GPR89B: variants seen among roughly 807,000 people sequenced by gnomAD.
GPR89B encodes golgi pH regulator B.
In GPR89B, 25 loss-of-function variants were observed where a neutral mutation model predicts 52.4. The observed-to-expected ratio is 0.48, with a 90% CI of 0.35 to 0.67. GPR89B has a LOEUF of 0.67. GPR89B is among the 30% of genes least tolerant of loss of function. GPR89B has a pLI of 0.01. For synonymous variants in GPR89B, 52 were observed against 151.2 expected (o/e 0.34, Z 4.81); for missense variants, 146 against 450.2 (o/e 0.32, Z 6.11).
At chr1:147,940,032 C>A (rs1435388983) in intron 3 of GPR89B, among the ~76,000 whole-genome samples, 4 of 151,608 alleles carry the variant, frequency 2.6e-5, no homozygotes, top group African/African-American at 9.7e-5. Context: ...TAATAATGGT[C>A]TCTTGATAGA....
intron 7 of GPR89B, among the ~76,000 whole-genome samples, chr1:147,962,285 A>G (rs1656637606): frequency 6.6e-6 from 1 of 151,504 alleles, no homozygotes; most frequent in Non-Finnish European, 1.5e-5. Context: ...TTAGCTGGAC[A>G]TGGTGGCATG....
At chr1:147,983,516 G>A (rs1235192545) in intron 10 of GPR89B, among the ~76,000 whole-genome samples, 2 of 152,124 alleles carry the variant, frequency 1.3e-5, no homozygotes, top group Non-Finnish European at 2.9e-5. Flanking sequence ...AGTTGGCGAA[G>A]GACATGAACA....
chr1:147,933,825 C>T (rs4950502), intron 1 of GPR89B, among the ~76,000 whole-genome samples: 1 of 152,182 alleles, frequency 6.6e-6, no homozygotes, highest in Non-Finnish European at 1.5e-5. Context: ...TACACTGTCG[C>T]TTCCTTCAAG....
chr1:147,939,683 A>G (rs1654379307), intron 3 of GPR89B, among the ~76,000 whole-genome samples: 1 of 152,208 alleles, frequency 6.6e-6, no homozygotes, highest in East Asian at 1.9e-4. Flanking sequence ...ATGGTTAATC[A>G]CAAAACATTG....
At chr1:148,015,643 G>A in the GPR89B span, among the ~76,000 whole-genome samples, 2 of 149,556 alleles carry the variant, frequency 1.3e-5, no homozygotes, top group Non-Finnish European at 3.0e-5. Context: ...TTGTTTGTTT[G>A]TTTGTTTGTT....
intron 10 of GPR89B, among the ~76,000 whole-genome samples, chr1:147,972,813 C>G (rs1219708299): frequency 6.7e-6 from 1 of 148,882 alleles, no homozygotes; most frequent in Non-Finnish European, 1.5e-5. Flanking sequence ...TCTCCCTCCC[C>G]CTCCCCGCCT....
intron 3 of GPR89B, among the ~76,000 whole-genome samples, chr1:147,940,805 A>AT (rs1654496201): frequency 6.6e-6 from 1 of 151,530 alleles, no homozygotes; most frequent in African/African-American, 2.4e-5. Context: ...CTAAAGCTAT[A>AT]TTTACTGTTT....
chr1:147,975,328 C>T (rs1279980089), intron 10 of GPR89B, among the ~76,000 whole-genome samples: 1 of 141,446 alleles, frequency 7.1e-6, no homozygotes, highest in Non-Finnish European at 1.5e-5. Context: ...AGGCTTATTA[C>T]TGCCCCAAAT....
the GPR89B span, among the ~76,000 whole-genome samples, chr1:148,000,819 A>G: frequency 6.7e-6 from 1 of 149,562 alleles, no homozygotes; most frequent in Non-Finnish European, 1.5e-5. Context: ...ACCTTAAAAC[A>G]TGCAGTAGTG....
At chr1:147,942,531 T>A (rs1426895592) in intron 3 of GPR89B, among the ~76,000 whole-genome samples, 1 of 152,164 alleles carries the variant, frequency 6.6e-6, no homozygotes, top group East Asian at 1.9e-4. Flanking sequence ...CGTCTCTATT[T>A]ATAATAGCTA....
intron 5 of GPR89B, among the ~76,000 whole-genome samples, chr1:147,951,168 T>C (rs1407437582): frequency 6.6e-6 from 1 of 151,516 alleles, no homozygotes; most frequent in East Asian, 1.9e-4. Flanking sequence ...TTTATCTGTG[T>C]GGCCTTAACT....
intron 7 of GPR89B, among the ~76,000 whole-genome samples, chr1:147,956,683 A>G (rs1398305147): frequency 6.6e-6 from 1 of 152,030 alleles, no homozygotes; most frequent in Admixed American, 6.6e-5. Context: ...AAGATATCCC[A>G]TGTTCATGGA....
intron 10 of GPR89B, among the ~76,000 whole-genome samples, chr1:147,970,382 A>G (rs1657326170): frequency 6.6e-6 from 1 of 151,972 alleles, no homozygotes; most frequent in Admixed American, 6.5e-5. Context: ...CTGTAATCCC[A>G]GCTACTCAGG....
intron 7 of GPR89B, among the ~76,000 whole-genome samples, chr1:147,964,577 A>C (rs1393301246): frequency 6.6e-6 from 1 of 151,962 alleles, no homozygotes; most frequent in African/African-American, 2.4e-5. Context: ...CGGAAGGTTT[A>C]ATATTGTTAC....
chr1:147,938,118 G>A (rs1189951454), intron 2 of GPR89B, among the ~76,000 whole-genome samples: 10 of 152,020 alleles, frequency 6.6e-5, no homozygotes, highest in African/African-American at 2.4e-4. Context: ...CACAAGGCTG[G>A]TGTTGTTTTT....
the GPR89B span, among the ~76,000 whole-genome samples, chr1:148,020,079 C>T: frequency 6.7e-6 from 1 of 149,966 alleles, no homozygotes; most frequent in Admixed American, 6.7e-5. Flanking sequence ...TACTGATGTT[C>T]GTGTCAAGGT....
chr1:148,020,837 G>A, the GPR89B span, among the ~76,000 whole-genome samples: 1 of 151,786 alleles, frequency 6.6e-6, no homozygotes, highest in Admixed American at 6.5e-5. Context: ...ACAGGCACGT[G>A]TCACCATTTC....
intron 1 of GPR89B, among the ~76,000 whole-genome samples, chr1:147,931,984 A>G (rs771218944): frequency 6.6e-6 from 1 of 152,122 alleles, no homozygotes; most frequent in Non-Finnish European, 1.5e-5. Flanking sequence ...TATTAAAGGT[A>G]TATATCTGTT....
chr1:147,958,070 GA>G (rs1200731603), intron 7 of GPR89B, among the ~76,000 whole-genome samples: 44 of 131,870 alleles, frequency 3.3e-4, no homozygotes, highest in Non-Finnish European at 5.0e-4. Flanking sequence ...TCTCAAAAAA[GA>G]AAAAAAAAAA....
Sources: gnomAD v4.1 joint callset for allele counts (sites outside exome capture counted in the v4.1 genomes callset) on GRCh38, gnomAD v4.1.1 for gene constraint, MANE v1.5 for transcripts, NCBI Gene and HGNC (gene_info 2026-07-23, HGNC 2026-07-21) for gene names.